DCUN1D4: variants seen among roughly 807,000 people sequenced by gnomAD.
DCUN1D4 encodes the protein defective in cullin neddylation 1 domain containing 4.
DCUN1D4 carries 22 observed loss-of-function variants against 47.9 expected under a neutral mutation model. The ratio of observed to expected loss-of-function variants is 0.46; its 90% confidence interval spans 0.33 to 0.66. The LOEUF is 0.66. Ranked by LOEUF, DCUN1D4 falls within the 30% of genes least tolerant of loss-of-function variation. DCUN1D4 has a pLI of 0.02. For synonymous variants in DCUN1D4, 121 were observed against 112.2 expected (o/e 1.08, Z -0.50); for missense variants, 301 against 340.8 (o/e 0.88, Z 0.92).
At chr4:51,844,227 G>T (rs1466717079) in intron 1 of DCUN1D4, 23 of 722,558 alleles carry the variant, frequency 3.2e-5, no homozygotes, top group Non-Finnish European at 3.7e-5. Flanking sequence ...GGGGGTGTCA[G>T]ACTGTGCTTA....
At chr4:51,877,965 G>C in intron 5 of DCUN1D4, 111 bp downstream of exon 5, 1 of 639,614 alleles carries the variant, frequency 1.6e-6, no homozygotes, top group East Asian at 2.9e-5. Flanking sequence ...GTGTGTGTGT[G>C]TGTGTGTCCC....
intron 1 of DCUN1D4, among the ~76,000 whole-genome samples, chr4:51,852,276 A>G (rs1201344367): frequency 2.6e-5 from 4 of 152,242 alleles, no homozygotes; most frequent in African/African-American, 9.6e-5. Context: ...AACTAATGAA[A>G]TAGTCATTTT....
upstream of DCUN1D4, among the ~76,000 whole-genome samples, chr4:51,840,652 G>A (rs1487858510): frequency 2.0e-5 from 3 of 152,178 alleles, no homozygotes; most frequent in African/African-American, 7.2e-5. Flanking sequence ...TGGTTAACCA[G>A]TGCCTACCAC....
At chr4:51,840,726 A>G (rs1721607125), upstream of DCUN1D4, among the ~76,000 whole-genome samples, 2 of 152,190 alleles carry the variant, frequency 1.3e-5, no homozygotes, top group African/African-American at 4.8e-5. Context: ...AAGTTTCCTG[A>G]TATCAGAGGT....
intron 3 of DCUN1D4, among the ~76,000 whole-genome samples, chr4:51,870,924 C>G (rs1340766391): frequency 1.3e-5 from 2 of 151,930 alleles, no homozygotes; most frequent in Admixed American, 6.5e-5. Context: ...CTGCCTTGAC[C>G]AGCTGTGCTG....
intron 1 of DCUN1D4, among the ~76,000 whole-genome samples, chr4:51,852,291 CT>C (rs1723491625): frequency 1.3e-5 from 2 of 152,146 alleles, no homozygotes; most frequent in African/African-American, 4.8e-5. Context: ...CATTTTTAGT[CT>C]TCTTAGATTT....
chr4:51,891,849 C>A lies in DCUN1D4; in HGVS notation c.504C>A (p.Leu168=), dbSNP rs1289596897. 6.2e-7 allele frequency: 1 copy of A among 1,608,448 alleles called. No individual in the cohort carries two copies. The highest frequency in any genetic ancestry group is 1.7e-5 in the Admixed American group (1 of 59,572). Residue 168 remains leucine (L), a splice_region_variant and synonymous_variant, in exon 7 of 11, where the codon CTC becomes CTA. Transcript: ENST00000334635. ...LQEWLKGMTS[L]QCDTTEKLRN... ...AGTGGTTAAAAGGAATGACTTCTCT[C>A]CAGTAAGTCCTAGGCTGCACTAGTG...
At chr4:51,910,760 C>T (rs1239594482) in intron 8 of DCUN1D4, 2 of 349,538 alleles carry the variant, frequency 5.7e-6, no homozygotes, top group African/African-American at 2.1e-5. Context: ...GATTGAGTTA[C>T]AAGTTTTTAT....
At chr4:51,888,538 C>G (rs532363117) in intron 6 of DCUN1D4, among the ~76,000 whole-genome samples, 29 of 150,776 alleles carry the variant, frequency 1.9e-4, no homozygotes, top group Admixed American at 5.9e-4. Flanking sequence ...GTCAGCAGTT[C>G]GAGACCAGCC....
chr4:51,877,995 C>A, intron 5 of DCUN1D4, 141 bp downstream of exon 5: 1 of 462,274 alleles, frequency 2.2e-6, no homozygotes, highest in East Asian at 3.3e-5. Context: ...GAGAGAGGGA[C>A]ATAGCTGTAA....
rs145288600 is a variant in DCUN1D4 at position 51,895,955 on chromosome 4, T to G, written c.507-3315T>G. On this transcript the variant is annotated intron_variant, in intron 7 of 10. Coordinates refer to ENST00000334635, the MANE Select transcript of DCUN1D4 (RefSeq NM_001040402.3). ...GGCTTACATGTCCCAAGCCAGGCTC[T>G]AGAGTCCTCTGAAGATGTGTACGTT... is the stretch of plus-strand genomic sequence containing the variant. 7.2e-3 allele frequency among the ~76,000 whole-genome samples: 1,103 copies of G among 152,278 alleles called. 5 individuals are homozygous for G. The highest frequency in any genetic ancestry group is 0.011 in the Non-Finnish European group (715 of 68,028).
intron 1 of DCUN1D4, among the ~76,000 whole-genome samples, chr4:51,861,966 C>T (rs1725137432): frequency 1.3e-5 from 2 of 152,170 alleles, no homozygotes; most frequent in South Asian, 4.1e-4. Context: ...GTATAATACA[C>T]ATACTTTTCT....
chr4:51,875,418 A>G (rs1727519030), intron 4 of DCUN1D4: 1 of 152,220 alleles, frequency 6.6e-6, no homozygotes, highest in African/African-American at 2.4e-5. Flanking sequence ...ACCACAGTCT[A>G]ATAAAATATA....
intron 1 of DCUN1D4, among the ~76,000 whole-genome samples, chr4:51,860,896 C>G (rs988980556): frequency 2.0e-5 from 3 of 152,160 alleles, no homozygotes; most frequent in African/African-American, 7.2e-5. Flanking sequence ...GCCTCAATTA[C>G]AGAGGAAGCT....
At chr4:51,889,344 C>T (rs549303226) in intron 6 of DCUN1D4, among the ~76,000 whole-genome samples, 4 of 152,262 alleles carry the variant, frequency 2.6e-5, no homozygotes, top group South Asian at 2.1e-4. Flanking sequence ...TGGGCAAGCA[C>T]GTTTAAGGTA....
intron 1 of DCUN1D4, among the ~76,000 whole-genome samples, chr4:51,853,155 C>T (rs916285111): frequency 1.3e-5 from 2 of 152,090 alleles, no homozygotes; most frequent in African/African-American, 4.8e-5. Context: ...GTGTGGTGGG[C>T]GATGGATGGA....
At chr4:51,879,223 T>C (rs1728152940) in intron 5 of DCUN1D4, among the ~76,000 whole-genome samples, 1 of 152,228 alleles carries the variant, frequency 6.6e-6, no homozygotes, top group Non-Finnish European at 1.5e-5. Flanking sequence ...TGTTAGCATT[T>C]GTCTGTTTTC....
chr4:51,864,139 T>C (rs1725522850), intron 3 of DCUN1D4, among the ~76,000 whole-genome samples: 1 of 152,206 alleles, frequency 6.6e-6, no homozygotes, highest in African/African-American at 2.4e-5. Context: ...TTAGTATAAG[T>C]TATCCTCTAA....
intron 5 of DCUN1D4, among the ~76,000 whole-genome samples, chr4:51,883,459 TCAAAC>T (rs1282015076): frequency 1.3e-5 from 2 of 152,214 alleles, no homozygotes; most frequent in African/African-American, 4.8e-5. Flanking sequence ...ATATGCACTC[TCAAAC>T]CAAAGAAAGC....
Sources: allele counts gnomAD v4.1 joint callset (sites outside exome capture counted in the v4.1 genomes callset), GRCh38; gene constraint gnomAD v4.1.1; transcripts MANE v1.5; gene names NCBI Gene and HGNC (gene_info 2026-07-23, HGNC 2026-07-21).